DPP10: variants seen among roughly 807,000 people sequenced by gnomAD.
The protein encoded by DPP10 is inactive dipeptidyl peptidase 10.
DPP10 carries 33 observed loss-of-function variants against 120.9 expected under a neutral mutation model. That is an observed-to-expected ratio of 0.27 (90% CI 0.21 to 0.37). The LOEUF (loss-of-function observed/expected upper bound fraction) is 0.37. Among genes scored for constraint, DPP10 ranks in the 10% least tolerant of loss-of-function variants. The pLI is 1.00. For synonymous variants in DPP10, 337 were observed against 326.1 expected (o/e 1.03, Z -0.36); for missense variants, 816 against 942.8 (o/e 0.87, Z 1.76).
intron 1 of DPP10, among the ~76,000 whole-genome samples, chr2:114,604,116 C>T (rs560807364): frequency 1.4e-4 from 21 of 152,026 alleles, no homozygotes; most frequent in African/African-American, 5.1e-4. Flanking sequence ...AGTCTCAGTG[C>T]CTAGAGTTTC....
intron 1 of DPP10, among the ~76,000 whole-genome samples, chr2:115,048,403 T>G (rs1193568599): frequency 5.9e-5 from 9 of 152,116 alleles, no homozygotes; most frequent in African/African-American, 2.2e-4. Context: ...ATAACTTAGC[T>G]TGCACTGGCC....
intron 1 of DPP10, among the ~76,000 whole-genome samples, chr2:114,990,602 T>G (rs1700701619): frequency 1.3e-5 from 2 of 152,198 alleles, no homozygotes; most frequent in Admixed American, 1.3e-4. Context: ...ACAGTTAATG[T>G]GATAACCTTT....
intron 1 of DPP10, among the ~76,000 whole-genome samples, chr2:114,475,967 A>G (rs1240566226): frequency 3.3e-5 from 5 of 152,172 alleles, no homozygotes; most frequent in African/African-American, 1.2e-4. Flanking sequence ...GGCTTCTTGC[A>G]GTGTGCTGTT....
intron 1 of DPP10, among the ~76,000 whole-genome samples, chr2:115,143,422 A>G (rs1000018969): frequency 1.3e-5 from 2 of 152,252 alleles, no homozygotes; most frequent in Non-Finnish European, 2.9e-5. Context: ...GACAACCTGC[A>G]GGCTAAGGAT....
chr2:115,167,221 T>G (rs1326802740), intron 1 of DPP10, among the ~76,000 whole-genome samples: 1 of 151,452 alleles, frequency 6.6e-6, no homozygotes, highest in African/African-American at 2.4e-5. Flanking sequence ...AGTCTTCTTA[T>G]TAAATGTGTA....
chr2:114,998,143 AT>A (rs1262542792), intron 1 of DPP10, among the ~76,000 whole-genome samples: 3 of 152,166 alleles, frequency 2.0e-5, no homozygotes, highest in Admixed American at 6.5e-5. Flanking sequence ...CAGCAAAAAA[AT>A]GTGACATGGT....
chr2:115,648,823 G>A (rs956039486), intron 5 of DPP10, among the ~76,000 whole-genome samples: 2 of 152,052 alleles, frequency 1.3e-5, no homozygotes, highest in Non-Finnish European at 2.9e-5. Flanking sequence ...AAGCAAAGCA[G>A]TAATAGGAGT....
chr2:115,059,697 A>AG, intron 1 of DPP10, among the ~76,000 whole-genome samples: 1 of 151,292 alleles, frequency 6.6e-6, no homozygotes, highest in South Asian at 2.1e-4. Context: ...AAAAAAAAAA[A>AG]AAAAAAGCAA....
chr2:114,885,310 A>G (rs889999193), intron 1 of DPP10, among the ~76,000 whole-genome samples: 1 of 152,156 alleles, frequency 6.6e-6, no homozygotes, highest in Non-Finnish European at 1.5e-5. Flanking sequence ...TTAAATGTCC[A>G]GAGCCCACAA....
chr2:114,765,261 T>A (rs1205603577), intron 1 of DPP10, among the ~76,000 whole-genome samples: 1 of 152,222 alleles, frequency 6.6e-6, no homozygotes, highest in Admixed American at 6.5e-5. Context: ...TATGTGTCGT[T>A]GGGGAATGCA....
intron 1 of DPP10, among the ~76,000 whole-genome samples, chr2:114,778,622 G>A (rs1212328818): frequency 6.6e-6 from 1 of 151,926 alleles, no homozygotes; most frequent in Non-Finnish European, 1.5e-5. Flanking sequence ...AATCTGACCG[G>A]CAGATAAAAT....
At chr2:115,331,836 T>C (rs1451966103) in intron 2 of DPP10, among the ~76,000 whole-genome samples, 2 of 152,210 alleles carry the variant, frequency 1.3e-5, no homozygotes, top group Non-Finnish European at 2.9e-5. Context: ...AGTATTTTAT[T>C]GAGGATTTTT....
chr2:115,455,795 T>G (rs2105014939), intron 3 of DPP10, among the ~76,000 whole-genome samples: 1 of 152,106 alleles, frequency 6.6e-6, no homozygotes, highest in South Asian at 2.1e-4. Context: ...TCACTTCCTT[T>G]CACCTTATAC....
intron 1 of DPP10, among the ~76,000 whole-genome samples, chr2:114,972,598 C>T (rs1482056952): frequency 6.6e-6 from 1 of 152,112 alleles, no homozygotes; most frequent in East Asian, 1.9e-4. Flanking sequence ...CACATATTTC[C>T]CCACAGTGCC....
intron 1 of DPP10, among the ~76,000 whole-genome samples, chr2:114,920,251 CA>C (rs1173071485): frequency 6.6e-6 from 1 of 152,168 alleles, no homozygotes; most frequent in African/African-American, 2.4e-5. Context: ...AGCCTCCAGT[CA>C]GGGGTGCTGA....
intron 1 of DPP10, among the ~76,000 whole-genome samples, chr2:115,239,778 G>A (rs549019227): frequency 1.3e-5 from 2 of 152,108 alleles, no homozygotes; most frequent in East Asian, 3.9e-4. Flanking sequence ...ACAGGCCCCA[G>A]TATGTGATGT....
chr2:114,561,526 C>A (rs144211440), intron 1 of DPP10, among the ~76,000 whole-genome samples: 7 of 152,252 alleles, frequency 4.6e-5, no homozygotes, highest in African/African-American at 1.7e-4. Context: ...GTAGATATGT[C>A]ATTCCTTTAG....
intron 1 of DPP10, among the ~76,000 whole-genome samples, chr2:115,037,857 G>GTAA (rs1704336101): frequency 6.6e-6 from 1 of 152,174 alleles, no homozygotes; most frequent in African/African-American, 2.4e-5. Flanking sequence ...AGTCTAAAGA[G>GTAA]TAATAATCTA....
intron 1 of DPP10, among the ~76,000 whole-genome samples, chr2:115,223,638 A>G (rs2057291679): frequency 1.3e-5 from 2 of 152,162 alleles, no homozygotes; most frequent in Admixed American, 1.3e-4. Flanking sequence ...AACAACAACA[A>G]AAAGGAACGA....
Sources: gnomAD v4.1 joint callset for allele counts (sites outside exome capture counted in the v4.1 genomes callset) on GRCh38, gnomAD v4.1.1 for gene constraint, MANE v1.5 for transcripts, NCBI Gene and HGNC (gene_info 2026-07-23, HGNC 2026-07-21) for gene names.